The following PTPRC variants were observed in gnomAD, a reference collection of about 807,000 sequenced individuals.
PTPRC encodes receptor-type tyrosine-protein phosphatase C.
Under a neutral mutation model 155.9 loss-of-function variants are expected in PTPRC, and 44 were observed. That is an observed-to-expected ratio of 0.28 (90% CI 0.22 to 0.36). The LOEUF (loss-of-function observed/expected upper bound fraction) is 0.36, where lower values mean the gene tolerates loss of function less well. Ranked by LOEUF, PTPRC falls within the 10% of genes least tolerant of loss-of-function variation. The probability of loss-of-function intolerance (pLI) is 1.00; values close to 1 mark genes in which losing one functional copy is unlikely to be tolerated. For missense variants in PTPRC, 1,401 were observed against 1,564.6 expected, an observed-to-expected ratio of 0.90 and a Z score of 1.76; for synonymous variants, 525 against 533.1, an observed-to-expected ratio of 0.98 and a Z score of 0.21.
intron 12 of PTPRC, among the ~76,000 whole-genome samples, chr1:198,713,688 T>C (rs1653425286): frequency 6.6e-6 from 1 of 152,224 alleles, no homozygotes; most frequent in African/African-American, 2.4e-5. Flanking sequence ...AAATATCTTC[T>C]GGACAATTTA....
Position 198,756,187 on chromosome 1 carries a change from G to GACAT in PTPRC, c.*8_*11dup, listed in dbSNP as rs776909166. 1 of 1,612,678 alleles carries GACAT rather than the reference G, an allele frequency of 6.2e-7. No homozygotes were observed. ...CTTTAAATCAAGGTTCATAGGAAAA[G>GACAT]ACATAAATGAGGAAACTCCAAACCT... is the stretch of plus-strand genomic sequence containing the variant. On this transcript the variant is annotated 3_prime_UTR_variant, in exon 33 of 33. Coordinates refer to ENST00000442510, the MANE Select transcript of PTPRC (RefSeq NM_002838.5).
intron 7 of PTPRC, among the ~76,000 whole-genome samples, chr1:198,704,074 GT>G (rs1429240079): frequency 2.0e-5 from 3 of 151,930 alleles, no homozygotes; most frequent in African/African-American, 7.3e-5. Context: ...TTTTTTTTAT[GT>G]AAATGAAAAG....
At chr1:198,655,949 C>G (rs1198208501) in intron 2 of PTPRC, among the ~76,000 whole-genome samples, 1 of 152,084 alleles carries the variant, frequency 6.6e-6, no homozygotes, top group African/African-American at 2.4e-5. Context: ...GGTTAAACTA[C>G]TGGATGCTTC....
chr1:198,667,086 C>T (rs553877846), intron 2 of PTPRC: 1 of 152,278 alleles, frequency 6.6e-6, no homozygotes, highest in Admixed American at 6.5e-5. Flanking sequence ...GGATGCTATG[C>T]GTCCACACCT....
At chr1:198,750,080 A>C (rs1655309976) in intron 28 of PTPRC, among the ~76,000 whole-genome samples, 1 of 151,934 alleles carries the variant, frequency 6.6e-6, no homozygotes, top group Non-Finnish European at 1.5e-5. Flanking sequence ...TTCCTAAAGC[A>C]CACATTCATA....
At chr1:198,730,805 T>C (rs940853342) in intron 17 of PTPRC, among the ~76,000 whole-genome samples, 2 of 152,112 alleles carry the variant, frequency 1.3e-5, no homozygotes, top group Non-Finnish European at 2.9e-5. Context: ...TTGAGAGCTG[T>C]GATTGTATAG....
chr1:198,719,057 T>G (rs1219660817), intron 14 of PTPRC, among the ~76,000 whole-genome samples: 1 of 152,150 alleles, frequency 6.6e-6, no homozygotes, highest in East Asian at 1.9e-4. Flanking sequence ...AAGCAAAATT[T>G]TTGAATGTCT....
chr1:198,701,911 C>A (rs1437456060), intron 5 of PTPRC, among the ~76,000 whole-genome samples: 2 of 152,196 alleles, frequency 1.3e-5, no homozygotes, highest in Non-Finnish European at 2.9e-5. Flanking sequence ...AGCACCTGCA[C>A]CCAGGGATCC....
At chr1:198,641,956 G>A (rs1662609474) in intron 2 of PTPRC, among the ~76,000 whole-genome samples, 1 of 151,928 alleles carries the variant, frequency 6.6e-6, no homozygotes, top group African/African-American at 2.4e-5. Context: ...ATTGAATTTG[G>A]TAAGCAGTCC....
chr1:198,710,735 T>C (rs1241448346), intron 11 of PTPRC, among the ~76,000 whole-genome samples: 1 of 152,274 alleles, frequency 6.6e-6, no homozygotes, highest in African/African-American at 2.4e-5. Context: ...TTGTTACTAA[T>C]GTACAAAAGT....
intron 29 of PTPRC, among the ~76,000 whole-genome samples, chr1:198,750,984 C>G (rs2102543114): frequency 6.6e-6 from 1 of 152,132 alleles, no homozygotes; most frequent in South Asian, 2.1e-4. Context: ...CAATCACCCC[C>G]TCATGTGTCT....
chr1:198,694,736 C>T (rs1666109663), intron 3 of PTPRC: 1 of 964,094 alleles, frequency 1.0e-6, no homozygotes, highest in Non-Finnish European at 1.2e-6. Flanking sequence ...CCCTTCTTTC[C>T]TACTTTCTTT....
chr1:198,644,779 T>A (rs1430012247), intron 2 of PTPRC, among the ~76,000 whole-genome samples: 1 of 151,820 alleles, frequency 6.6e-6, no homozygotes, highest in Admixed American at 6.6e-5. Flanking sequence ...AGCAAAATTA[T>A]CAGTTTTTAT....
upstream of PTPRC, chr1:198,638,801 G>A (rs1662397300): frequency 6.4e-6 from 1 of 156,222 alleles, no homozygotes. Context: ...GAAAATTATT[G>A]ATTATTTTGT....
At chr1:198,688,616 C>T (rs1665761541) in intron 2 of PTPRC, among the ~76,000 whole-genome samples, 1 of 152,192 alleles carries the variant, frequency 6.6e-6, no homozygotes, top group Non-Finnish European at 1.5e-5. Context: ...AGAGCATTCA[C>T]TCAGCACATT....
chr1:198,697,126 G>A (rs1212705519), intron 4 of PTPRC, among the ~76,000 whole-genome samples: 3 of 152,174 alleles, frequency 2.0e-5, no homozygotes. Flanking sequence ...AAGAAGGGAA[G>A]CAAGATCTCC....
chr1:198,657,547 A>C (rs1433485955), intron 2 of PTPRC: 3 of 152,178 alleles, frequency 2.0e-5, no homozygotes, highest in East Asian at 1.9e-4. Flanking sequence ...CAAAACAAAA[A>C]AAATGTTCAG....
chr1:198,654,083 G>T (rs932239209), intron 2 of PTPRC, among the ~76,000 whole-genome samples: 1 of 151,628 alleles, frequency 6.6e-6, no homozygotes, highest in Non-Finnish European at 1.5e-5. Flanking sequence ...TTAATATCTG[G>T]TATTTTAACA....
intron 20 of PTPRC, among the ~76,000 whole-genome samples, chr1:198,732,824 G>C (rs190235076): frequency 3.1e-4 from 47 of 151,880 alleles, no homozygotes; most frequent in African/African-American, 1.0e-3. Flanking sequence ...CTAGATATTA[G>C]ACTAAATATT....
Sources: gnomAD v4.1 joint callset for allele counts (sites outside exome capture counted in the v4.1 genomes callset) on GRCh38, gnomAD v4.1.1 for gene constraint, MANE v1.5 for transcripts, NCBI Gene and HGNC (gene_info 2026-07-23, HGNC 2026-07-21) for gene names.